The following MGAT5 variants were observed in gnomAD, a reference collection of about 807,000 sequenced individuals.
MGAT5 encodes the protein alpha-1,6-mannosylglycoprotein 6-beta-N-acetylglucosaminyltransferase A.
MGAT5 carries 30 observed loss-of-function variants against 94.3 expected under a neutral mutation model. The ratio of observed to expected loss-of-function variants is 0.32; its 90% confidence interval spans 0.24 to 0.43. The LOEUF is 0.43. MGAT5 is among the 20% of genes least tolerant of loss of function. The pLI, the probability that MGAT5 is intolerant of heterozygous loss-of-function variation, is 1.00. For synonymous variants in MGAT5, 310 were observed against 322.9 expected (o/e 0.96, Z 0.43); for missense variants, 691 against 905.5 (o/e 0.76, Z 3.04).
chr2:134,420,528 C>T (rs1161042306), intron 12 of MGAT5, among the ~76,000 whole-genome samples: 1 of 152,152 alleles, frequency 6.6e-6, no homozygotes, highest in African/African-American at 2.4e-5. Context: ...TTGAATAGCA[C>T]ATGCATGCTC....
At chr2:134,148,397 C>T (rs1443761636) in intron 1 of MGAT5, among the ~76,000 whole-genome samples, 1 of 152,220 alleles carries the variant, frequency 6.6e-6, no homozygotes, top group Admixed American at 6.5e-5. Flanking sequence ...CCCTTGGTTC[C>T]AGGGGATTCC....
chr2:134,331,122 G>A (rs770861677), intron 4 of MGAT5, among the ~76,000 whole-genome samples: 3 of 152,036 alleles, frequency 2.0e-5, no homozygotes, highest in African/African-American at 4.8e-5. Flanking sequence ...GACCAGATTA[G>A]ACTTCTAGGG....
chr2:134,313,082 A>G (rs1259750309), intron 2 of MGAT5, among the ~76,000 whole-genome samples: 1 of 82,090 alleles, frequency 1.2e-5, no homozygotes, highest in Non-Finnish European at 3.1e-5. Flanking sequence ...ACACACACAC[A>G]CACACACACA....
chr2:134,249,356 TTTG>T (rs1286155126), upstream of MGAT5, among the ~76,000 whole-genome samples: 1 of 152,082 alleles, frequency 6.6e-6, no homozygotes, highest in African/African-American at 2.4e-5. Flanking sequence ...TTAGAACCTT[TTTG>T]TTACCCCCTA....
Position 134,201,502 on chromosome 2 carries a change from T to C in MGAT5, c.-142-52760T>C, listed in dbSNP as rs144901739. On this transcript the variant is annotated intron_variant, in intron 1 of 16. Transcript: ENST00000409645. ...AATGGGGGTGTGGGGAGTGAGTAATTAGATTCCCCTTCAGCAGTCTCAGAA... is the reference window on the plus strand; with the variant it reads ...AATGGGGGTGTGGGGAGTGAGTAATCAGATTCCCCTTCAGCAGTCTCAGAA... Among the ~76,000 whole-genome samples, 457 of 152,262 alleles carry C rather than the reference T, an allele frequency of 3.0e-3. 4 individuals are homozygous for C. Among genetic ancestry groups the C allele is most frequent in the African/African-American group, 0.01 (436 of 41,542 alleles).
At chr2:134,295,205 C>T (rs146464262) in intron 2 of MGAT5, among the ~76,000 whole-genome samples, 133 of 125,828 alleles carry the variant, frequency 1.1e-3, no homozygotes, top group African/African-American at 3.4e-3. Context: ...TTCAGTGGTT[C>T]GAAGATGCCA....
chr2:134,144,428 C>T (rs1272961379), intron 1 of MGAT5, among the ~76,000 whole-genome samples: 1 of 152,030 alleles, frequency 6.6e-6, no homozygotes, highest in Non-Finnish European at 1.5e-5. Flanking sequence ...GAGAATAGCA[C>T]CTAGGGGATG....
chr2:134,247,380 A>C (rs1277802140), intron 1 of MGAT5, among the ~76,000 whole-genome samples: 1 of 151,126 alleles, frequency 6.6e-6, no homozygotes, highest in African/African-American at 2.4e-5. Context: ...AAAAACAAAA[A>C]AAAAACGTAA....
At chr2:134,342,722 A>AAG (rs1316201017) in intron 7 of MGAT5, among the ~76,000 whole-genome samples, 1 of 151,372 alleles carries the variant, frequency 6.6e-6, no homozygotes, top group Non-Finnish European at 1.5e-5. Flanking sequence ...TCTGTCTTAA[A>AAG]AAAAAAAAAA....
chr2:134,305,494 C>T (rs1252380552), intron 2 of MGAT5, among the ~76,000 whole-genome samples: 1 of 152,156 alleles, frequency 6.6e-6, no homozygotes, highest in Non-Finnish European at 1.5e-5. Flanking sequence ...GTTATTGATT[C>T]CATATTTCTT....
At chr2:134,420,864 A>G (rs528768891) in intron 12 of MGAT5, among the ~76,000 whole-genome samples, 2 of 152,264 alleles carry the variant, frequency 1.3e-5, no homozygotes, top group African/African-American at 2.4e-5. Context: ...AAAGCAATAC[A>G]TATTTCAGTA....
intron 14 of MGAT5, among the ~76,000 whole-genome samples, chr2:134,435,393 C>T (rs988671582): frequency 2.0e-5 from 3 of 152,198 alleles, no homozygotes; most frequent in African/African-American, 7.2e-5. Flanking sequence ...TTTACTTCCT[C>T]GTGTCTTTTC....
rs1375260459 is a variant in MGAT5, at chr2:134,400,317, A to G, written c.1381-2671A>G. 2.0e-5 allele frequency among the ~76,000 whole-genome samples: 3 copies of G among 152,200 alleles called. No individual in the cohort carries two copies. In the South Asian group the frequency reaches 6.2e-4, roughly 32 times the overall value. On this transcript the variant is annotated intron_variant, in intron 10 of 15. Coordinates refer to ENST00000281923, the MANE Select transcript of MGAT5 (RefSeq NM_002410.5). ...GTAGAAGTACCTAATTGTTACATCA[A>G]TGTCAAAGGCTAAAGTTAGGCTTGA...
chr2:134,170,623 A>C (rs887115383), intron 1 of MGAT5, among the ~76,000 whole-genome samples: 59 of 152,320 alleles, frequency 3.9e-4, no homozygotes, highest in African/African-American at 1.2e-3. Context: ...GAAGTCCTTA[A>C]GAATAAGTTA....
chr2:134,448,343 G>A lies in MGAT5; in HGVS notation c.2028-306G>A, dbSNP rs557598884. Among the ~76,000 whole-genome samples, 3 of 152,242 alleles carry A rather than the reference G, an allele frequency of 2.0e-5. No individual in the cohort carries two copies. The South Asian group carries it at 6.2e-4, about 32-fold the overall frequency. On this transcript the variant is annotated intron_variant, in intron 15 of 15. Coordinates refer to ENST00000281923, the MANE Select transcript of MGAT5 (RefSeq NM_002410.5). ...AGCACAGAAGGGCCATGATTTATTT[G>A]GCCATTCCCTGCTTGGTGAGTATTT...
At chr2:134,283,444 C>A (rs72976186) in intron 2 of MGAT5, among the ~76,000 whole-genome samples, 20,579 of 152,000 alleles carry the variant, frequency 0.14, 3,148 homozygotes, top group African/African-American at 0.35. Flanking sequence ...ATGTTAGAGG[C>A]ACCAAATGGG....
chr2:134,144,554 A>G (rs1173073932), intron 1 of MGAT5, among the ~76,000 whole-genome samples: 1 of 152,214 alleles, frequency 6.6e-6, no homozygotes, highest in African/African-American at 2.4e-5. Context: ...ACACAGATCC[A>G]AACCATATCA....
intron 14 of MGAT5, 116 bp downstream of exon 14, chr2:134,428,555 G>A: frequency 1.1e-6 from 1 of 887,316 alleles, no homozygotes; most frequent in Non-Finnish European, 1.8e-6. Context: ...TCCTGCTTTG[G>A]GAGACTCTAG....
chr2:134,422,957 G>A, intron 13 of MGAT5, 38 bp downstream of exon 13: 1 of 1,477,892 alleles, frequency 6.8e-7, no homozygotes, highest in Non-Finnish European at 9.5e-7. Context: ...CCTTTCTAAT[G>A]TGACCTGAAA....
Sources: allele counts gnomAD v4.1 joint callset (sites outside exome capture counted in the v4.1 genomes callset), GRCh38; gene constraint gnomAD v4.1.1; transcripts MANE v1.5; gene names NCBI Gene and HGNC (gene_info 2026-07-23, HGNC 2026-07-21).